IQGAP2: variants seen among roughly 807,000 people sequenced by gnomAD.
IQGAP2 encodes IQ motif containing GTPase activating protein 2.
A neutral mutation model predicts 201.3 loss-of-function variants in IQGAP2; 173 were observed. The ratio of observed to expected loss-of-function variants is 0.86; its 90% confidence interval spans 0.76 to 0.98. The LOEUF (loss-of-function observed/expected upper bound fraction) is 0.98, where lower values mean the gene tolerates loss of function less well. IQGAP2 is among the 50% of genes least tolerant of loss of function. The pLI, the probability that IQGAP2 is intolerant of heterozygous loss-of-function variation, is 0.00. For synonymous variants in IQGAP2, 675 were observed against 673.9 expected, an observed-to-expected ratio of 1.00 and a Z score of -0.03; for missense variants, 1,687 against 1,864.8, an observed-to-expected ratio of 0.90 and a Z score of 1.76.
intron 10 of IQGAP2, among the ~76,000 whole-genome samples, chr5:76,600,159 A>G (rs1747333522): frequency 6.6e-6 from 1 of 152,160 alleles, no homozygotes; most frequent in South Asian, 2.1e-4. Context: ...AAAAAATAAT[A>G]ATAATAAAAA....
intron 5 of IQGAP2, among the ~76,000 whole-genome samples, chr5:76,579,855 C>T (rs2150289216): frequency 6.6e-6 from 1 of 152,276 alleles, no homozygotes; most frequent in South Asian, 2.1e-4. Flanking sequence ...TTTCTGTCAC[C>T]ACCTATGCTC....
rs750395818 is a variant in IQGAP2 at position 76,606,232 on chromosome 5, A to G, written c.1286A>G (p.Asp429Gly). ...CTAGAAGTTTTATCCCAAGGGCAAG[A>G]TAACTTAAGCTGGAATGAAATTCAG... ...VKLEVLSQGQ[D>G]NLSWNEIQNC... is the part of the protein sequence containing the mutation. Residue 429 changes from aspartate (D) to glycine (G), a missense_variant, in exon 12 of 36, where the codon GAT becomes GGT. Coordinates refer to ENST00000274364, the MANE Select transcript of IQGAP2 (RefSeq NM_006633.5). The G allele has an allele frequency of 2.5e-6, 4 of 1,605,812 alleles. No homozygotes were observed. The Admixed American group carries it at 5.0e-5, about 20-fold the overall frequency.
chr5:76,460,324 G>A (rs575880160), intron 1 of IQGAP2, among the ~76,000 whole-genome samples: 5 of 152,322 alleles, frequency 3.3e-5, no homozygotes, highest in East Asian at 1.9e-4. Flanking sequence ...AGCACTCAGC[G>A]TTGGAGGGAG....
At chr5:76,610,938 A>T in intron 12 of IQGAP2, 82 bp from the exon 13 acceptor site, 1 of 1,155,090 alleles carries the variant, frequency 8.7e-7, no homozygotes. Flanking sequence ...TGTACTAGTT[A>T]ATTAGCCTTT....
rs373370094 is a variant in IQGAP2 at position 76,562,476 on chromosome 5, C to A, written c.227C>A (p.Ala76Glu). ...EEGLRNGVYL[A>E]KLAKFFAPKM... ...GGGCTCCGGAATGGAGTTTACCTTGCAAAGTTAGCCAAGTTCTTTGCCCCG... is the reference window on the plus strand; with the variant it reads ...GGGCTCCGGAATGGAGTTTACCTTGAAAAGTTAGCCAAGTTCTTTGCCCCG... Residue 76 changes from alanine (A) to glutamate (E), a missense_variant, in exon 3 of 36, where the codon GCA becomes GAA. By Grantham distance (107) the Ala-to-Glu change is moderately radical (BLOSUM62 -1). Coordinates refer to ENST00000274364, the MANE Select transcript of IQGAP2 (RefSeq NM_006633.5). The A allele has an allele frequency of 5.0e-5, 80 of 1,613,730 alleles. No individual in the cohort carries two copies. The highest frequency in any genetic ancestry group is 6.6e-5 in the Non-Finnish European group (78 of 1,179,806).
intron 32 of IQGAP2, among the ~76,000 whole-genome samples, chr5:76,696,583 GAA>G (rs113011640): frequency 0.34 from 49,708 of 148,376 alleles, 8,278 homozygotes; most frequent in Non-Finnish European, 0.36. Context: ...TAAATGACCA[GAA>G]AAAAAAAAAA....
intron 9 of IQGAP2, among the ~76,000 whole-genome samples, chr5:76,594,440 C>CT (rs1368078964): frequency 1.3e-5 from 2 of 151,674 alleles, no homozygotes; most frequent in Non-Finnish European, 2.9e-5. Flanking sequence ...ATTGGCTATA[C>CT]TTTTTTTTTC....
rs547228700 is a variant in IQGAP2 at position 76,449,476 on chromosome 5, C to A, written c.47-12094C>A. On this transcript the variant is annotated intron_variant, in intron 1 of 35. Coordinates refer to ENST00000274364, the MANE Select transcript of IQGAP2 (RefSeq NM_006633.5). ...ACAAAGTCCTTCTTCCACCTTATCC[C>A]TTTTCTCTACCCATGAAGTGCCCTG... is the stretch of plus-strand genomic sequence containing the variant. Among the ~76,000 whole-genome samples, 3 of 152,298 alleles carry A rather than the reference C, an allele frequency of 2.0e-5. No homozygotes were observed. In the South Asian group the frequency reaches 6.2e-4, roughly 32 times the overall value.
chr5:76,465,805 A>G (rs1440079307), intron 2 of IQGAP2, among the ~76,000 whole-genome samples: 1 of 152,224 alleles, frequency 6.6e-6, no homozygotes, highest in Non-Finnish European at 1.5e-5. Flanking sequence ...TAAAAACAAT[A>G]AAATTCTTAG....
In IQGAP2 at chr5:76,617,803, C is replaced by T; in HGVS notation, c.1521+6620C>T. 2 of 1,613,708 alleles carry T rather than the reference C, an allele frequency of 1.2e-6. No homozygotes were observed. Among genetic ancestry groups the T allele is most frequent in the Non-Finnish European group, 1.7e-6 (2 of 1,179,782 alleles). On this transcript the variant is annotated intron_variant, in intron 13 of 35. Coordinates refer to ENST00000274364, the MANE Select transcript of IQGAP2 (RefSeq NM_006633.5). ...AAAATCACAAGGATGAGGAGACTCG[C>T]CTTAACATACCACAACCATCTATGA...
chr5:76,495,732 A>T (rs1251742456), intron 2 of IQGAP2, among the ~76,000 whole-genome samples: 1 of 152,198 alleles, frequency 6.6e-6, no homozygotes, highest in African/African-American at 2.4e-5. Context: ...GTGAAGAGGT[A>T]GCCTGTGTAC....
At chr5:76,672,543 ATGTT>A (rs1217930923) in intron 24 of IQGAP2, among the ~76,000 whole-genome samples, 1 of 152,206 alleles carries the variant, frequency 6.6e-6, no homozygotes, top group Non-Finnish European at 1.5e-5. Context: ...TGTTAAATAA[ATGTT>A]TGTATAGCAC....
Position 76,403,604 on chromosome 5 carries a change from G to A in IQGAP2, c.46+13G>A. The A allele has an allele frequency of 6.6e-7, 1 of 1,526,038 alleles. No homozygotes were observed. The highest frequency in any genetic ancestry group is 8.8e-7 in the Non-Finnish European group (1 of 1,139,714). The allele number at this position is 1,526,038 out of a possible 1,614,324, so 94.5% of individuals were successfully genotyped here. ...CCCCGCTATGGCTGTAAGTGCGCCG[G>A]GCGCGCGGGGTTCCTGCTGGCCTTG... On this transcript the variant is annotated intron_variant, in intron 1 of 35. Coordinates refer to ENST00000274364, the MANE Select transcript of IQGAP2 (RefSeq NM_006633.5). This position sits in a 1 kb window ranked among gnomAD's most constrained non-coding sequence, Gnocchi z 4.8.
At chr5:76,492,882 G>A (rs527278087) in intron 2 of IQGAP2, among the ~76,000 whole-genome samples, 1 of 152,270 alleles carries the variant, frequency 6.6e-6, no homozygotes, top group East Asian at 1.9e-4. Context: ...CACCTTAGTT[G>A]TCACGTTTCT....
chr5:76,536,065 C>CT (rs545584812), intron 2 of IQGAP2, among the ~76,000 whole-genome samples: 3,748 of 123,618 alleles, frequency 0.03, 260 homozygotes, highest in African/African-American at 0.1. Flanking sequence ...GGAGCATATT[C>CT]TTTTTTTTTT....
At chr5:76,671,681 G>A in intron 23 of IQGAP2, 78 bp from the exon 24 acceptor site, 2 of 1,026,674 alleles carry the variant, frequency 1.9e-6, no homozygotes, top group Non-Finnish European at 2.8e-6. Flanking sequence ...GAGCAAGACT[G>A]TCTCGGGGAA....
chr5:76,475,287 T>C (rs993037237), intron 2 of IQGAP2, among the ~76,000 whole-genome samples: 14 of 152,118 alleles, frequency 9.2e-5, no homozygotes, highest in African/African-American at 3.4e-4. Flanking sequence ...ATCCAATTAG[T>C]GTTATAAATG....
At chr5:76,532,928 G>C (rs1759399675) in intron 2 of IQGAP2, among the ~76,000 whole-genome samples, 1 of 152,242 alleles carries the variant, frequency 6.6e-6, no homozygotes, top group South Asian at 2.1e-4. Context: ...GCACCTCTCT[G>C]TGTCTCTTTA....
intron 32 of IQGAP2, 72 bp downstream of exon 32, chr5:76,695,738 C>G (rs1475767355): frequency 1.7e-6 from 2 of 1,204,840 alleles, no homozygotes; most frequent in Non-Finnish European, 2.4e-6. Flanking sequence ...GTGCTGGGCA[C>G]TCTGTGAGGT....
Sources: allele counts gnomAD v4.1 joint callset (sites outside exome capture counted in the v4.1 genomes callset), GRCh38; gene constraint gnomAD v4.1.1; non-coding constraint Gnocchi (gnomAD v3.1); transcripts MANE v1.5; gene names NCBI Gene and HGNC (gene_info 2026-07-23, HGNC 2026-07-21).